The following DMBT1 variants were observed in gnomAD, a reference collection of about 807,000 sequenced individuals.
The protein encoded by DMBT1 is scavenger receptor cysteine-rich domain-containing protein DMBT1.
Under a neutral mutation model 252.9 loss-of-function variants are expected in DMBT1, and 198 were observed. The observed-to-expected ratio is 0.78, with a 90% CI of 0.70 to 0.88. The LOEUF is 0.88. Ranked by LOEUF, DMBT1 falls within the 40% of genes least tolerant of loss-of-function variation. The pLI is 0.00. For synonymous variants in DMBT1, 990 were observed against 942.7 expected (o/e 1.05, Z -0.92); for missense variants, 2,432 against 2,404.7 (o/e 1.01, Z -0.24).
intron 2 of DMBT1, among the ~76,000 whole-genome samples, chr10:122,569,877 G>C (rs2097645369): frequency 6.6e-6 from 1 of 152,192 alleles, no homozygotes; most frequent in South Asian, 2.1e-4. Flanking sequence ...TGGATCTTGT[G>C]ACTAGGATGG....
chr10:122,577,870 C>A (rs1490675022), intron 8 of DMBT1, 30 bp downstream of exon 8: 2 of 1,612,306 alleles, frequency 1.2e-6, no homozygotes, highest in South Asian at 2.2e-5. Context: ...CCTCGGGATA[C>A]CCCTTCTCTT....
Position 122,570,919 on chromosome 10 carries a change from G to A in DMBT1, c.169G>A (p.Glu57Lys), listed in dbSNP as rs2097656679. The change falls in exon 4 of 56, where the codon GAG (glutamate) becomes AAG (lysine). Residue 57 changes from glutamate to lysine, a missense_variant. Physicochemically the swap from Glu to Lys is moderately conservative, Grantham distance 56. Coordinates refer to ENST00000338354, the MANE Select transcript of DMBT1 (RefSeq NM_001377530.1). ...TCCATTTCCCTCGGAGTCGACCCTG[G>A]AGTCAACTGTAGCAGAAGGTAACGT... ...GSPFPSESTLESTVAEGSPIS... is the reference protein window; with the variant it reads ...GSPFPSESTLKSTVAEGSPIS... 6.2e-7 allele frequency: 1 copy of A among 1,613,222 alleles called. No homozygotes were observed. Among genetic ancestry groups the A allele is most frequent in the African/African-American group, 1.3e-5 (1 of 74,886 alleles).
In DMBT1 at chr10:122,573,659, A is replaced by T. The variant is rs556349374; in HGVS notation, c.236-56A>T. The T allele has an allele frequency of 9.4e-5, 151 of 1,604,834 alleles. No individual in the cohort carries two copies. The African/African-American group carries it at 1.7e-3, about 18-fold the overall frequency. ...TTCAGAGCTGAGCAAGCCCTGGACCAACCCTCCCCAAGCGAGGGCTACGAT... is the reference window on the plus strand; with the variant it reads ...TTCAGAGCTGAGCAAGCCCTGGACCTACCCTCCCCAAGCGAGGGCTACGAT... On this transcript the variant is annotated intron_variant, in intron 5 of 55. Transcript: ENST00000338354.
intron 18 of DMBT1, among the ~76,000 whole-genome samples, chr10:122,591,151 T>C (rs1329797220): frequency 6.7e-6 from 1 of 148,760 alleles, no homozygotes; most frequent in Non-Finnish European, 1.5e-5. Context: ...CCTTCTAACA[T>C]TTTAGTTTCA....
At chr10:122,626,374 T>C (rs2098119111) in intron 46 of DMBT1, among the ~76,000 whole-genome samples, 1 of 152,236 alleles carries the variant, frequency 6.6e-6, no homozygotes, top group Non-Finnish European at 1.5e-5. Context: ...CTGTATTGTA[T>C]TCTATTATAC....
At chr10:122,633,575 A>G (rs1347338639) in intron 52 of DMBT1, among the ~76,000 whole-genome samples, 1 of 152,116 alleles carries the variant, frequency 6.6e-6, no homozygotes, top group Non-Finnish European at 1.5e-5. Flanking sequence ...GAGTGGACAA[A>G]AGCTCTGGTT....
chr10:122,620,509 A>G (rs545616210), intron 43 of DMBT1, among the ~76,000 whole-genome samples: 9 of 152,266 alleles, frequency 5.9e-5, no homozygotes, highest in African/African-American at 2.2e-4. Flanking sequence ...TGTTTTATGT[A>G]GTCAGGAAAG....
rs1160481648 is a variant in DMBT1, at chr10:122,643,489, G to C, written c.*91G>C. The C allele has an allele frequency of 4.7e-6, 7 of 1,475,794 alleles. No homozygotes were observed. Among genetic ancestry groups the C allele is most frequent in the Non-Finnish European group, 6.4e-6 (7 of 1,100,038 alleles). 91.4% of individuals were successfully genotyped at this position (1,475,794 alleles called of 1,614,324 possible). A position where few individuals can be genotyped will look rare whatever the true frequency, so the allele number is the denominator to read the frequency against. On this transcript the variant is annotated 3_prime_UTR_variant, in exon 56 of 56. Transcript: ENST00000338354. ...CCTCTTGGTGTCATATTCCAACTCAGATTGAGCCCTACATTGTGCTGCACC... is the reference window on the plus strand; with the variant it reads ...CCTCTTGGTGTCATATTCCAACTCACATTGAGCCCTACATTGTGCTGCACC...
At chr10:122,587,987 G>A (rs560921660) in intron 16 of DMBT1, among the ~76,000 whole-genome samples, 1 of 148,606 alleles carries the variant, frequency 6.7e-6, no homozygotes, top group East Asian at 2.1e-4. Context: ...TGAAGAGTTG[G>A]GCAGACACAT....
At chr10:122,561,027 T>C (rs1247160370) in intron 1 of DMBT1, among the ~76,000 whole-genome samples, 196 bp downstream of exon 1, 2 of 152,202 alleles carry the variant, frequency 1.3e-5, no homozygotes, top group Non-Finnish European at 2.9e-5. Flanking sequence ...GAAATATAAA[T>C]GGTTGTAGTT....
In DMBT1 at chr10:122,621,277, T is replaced by C. The variant is rs373375137; in HGVS notation, c.5505T>C (p.Asp1835=). ...GQGSGPIVLD[D]VRCSGNESYL... ...GCTCAGGACCCATTGTCCTGGATGA[T>C]GTGCGCTGCTCAGGGAATGAGTCCT... is the stretch of plus-strand genomic sequence containing the variant. Residue 1835 remains aspartate (D), a synonymous_variant, in exon 44 of 56, where the codon GAT becomes GAC. Transcript: ENST00000338354. The C allele has an allele frequency of 9.3e-6, 15 of 1,613,712 alleles. No homozygotes were observed. The highest frequency in any genetic ancestry group is 3.3e-4 in the Middle Eastern group (2 of 6,076).
At chr10:122,580,835 CT>C in intron 10 of DMBT1, 30 bp from the exon 11 acceptor site, 2 of 1,613,804 alleles carry the variant, frequency 1.2e-6, no homozygotes, top group Non-Finnish European at 8.5e-7. Flanking sequence ...TGTAATGTTC[CT>C]GATCTGACCT....
Position 122,589,134 on chromosome 10 carries a change from T to C in DMBT1, c.1974T>C (p.Gly658=), listed in dbSNP as rs771208586. The C allele has an allele frequency of 9.4e-6, 15 of 1,588,322 alleles. 4 individuals are homozygous for C. The highest frequency in any genetic ancestry group is 2.3e-5 in the South Asian group (2 of 86,914). Residue 658 remains glycine (G), a synonymous_variant, in exon 17 of 56, where the codon GGT becomes GGC. Coordinates refer to ENST00000338354, the MANE Select transcript of DMBT1 (RefSeq NM_001377530.1). ...ATSAPGNARF[G]QGSGPIVLDD... The stretch of plus-strand genomic sequence containing the variant: ...CAGCCCCAGGAAATGCCCGGTTTGG[T>C]CAGGGCTCAGGACCCATTGTCCTGG...
At chr10:122,591,434 T>A (rs2097848252) in intron 18 of DMBT1, 45 bp from the exon 19 acceptor site, 1 of 1,557,340 alleles carries the variant, frequency 6.4e-7, no homozygotes, top group African/African-American at 1.3e-5. Flanking sequence ...GGAGCTTTTC[T>A]CCCTCAACTT....
chr10:122,637,029 C>T, intron 53 of DMBT1, 99 bp from the exon 54 acceptor site: 1 of 1,179,354 alleles, frequency 8.5e-7, no homozygotes, highest in Non-Finnish European at 1.2e-6. Context: ...GTCAGCCACC[C>T]TGGTCTGTGC....
intron 11 of DMBT1, 44 bp downstream of exon 11, chr10:122,580,939 G>T (rs1386724437): frequency 1.2e-6 from 2 of 1,609,394 alleles, no homozygotes; most frequent in Non-Finnish European, 1.7e-6. Flanking sequence ...TTCTCTTTCT[G>T]CCCAATCACC....
At chr10:122,568,907 G>A (rs968829479) in intron 2 of DMBT1, among the ~76,000 whole-genome samples, 1 of 152,224 alleles carries the variant, frequency 6.6e-6, no homozygotes, top group Non-Finnish European at 1.5e-5. Flanking sequence ...ATGTGCTCAG[G>A]TAGTGTGGAT....
chr10:122,599,322 C>T (rs1202873607), intron 26 of DMBT1, among the ~76,000 whole-genome samples: 1 of 152,186 alleles, frequency 6.6e-6, no homozygotes, highest in Admixed American at 6.5e-5. Flanking sequence ...TTTTCCCCTT[C>T]CTGAGGGAAG....
chr10:122,591,222 G>A (rs888643559), intron 18 of DMBT1, among the ~76,000 whole-genome samples: 1 of 148,766 alleles, frequency 6.7e-6, no homozygotes, highest in South Asian at 2.3e-4. Context: ...CAGTGGATGG[G>A]GCAGGTAAAC....
Sources: gnomAD v4.1 joint callset for allele counts (sites outside exome capture counted in the v4.1 genomes callset) on GRCh38, gnomAD v4.1.1 for gene constraint, MANE v1.5 for transcripts, NCBI Gene and HGNC (gene_info 2026-07-23, HGNC 2026-07-21) for gene names.